Variants in VWA3B observed in about 807,000 individuals in gnomAD.
VWA3B encodes von Willebrand factor A domain-containing protein 3B.
Under a neutral mutation model 158.3 loss-of-function variants are expected in VWA3B, and 138 were observed. That is an observed-to-expected ratio of 0.87 (90% CI 0.76 to 1.00). VWA3B has a LOEUF of 1.00. Ranked by LOEUF, VWA3B falls within the 50% of genes least tolerant of loss-of-function variation. The pLI, the probability that VWA3B is intolerant of heterozygous loss-of-function variation, is 0.00. For missense variants in VWA3B, 1,555 were observed against 1,565.1 expected (o/e 0.99, Z 0.11); for synonymous variants, 596 against 587.3 (o/e 1.01, Z -0.21).
chr2:98,182,963 C>T (rs1201057905), intron 9 of VWA3B, among the ~76,000 whole-genome samples: 2 of 151,926 alleles, frequency 1.3e-5, no homozygotes, highest in Non-Finnish European at 2.9e-5. Context: ...AATATTAATC[C>T]CCATCAATTT....
At chr2:98,136,923 C>G (rs1676330580) in intron 7 of VWA3B, among the ~76,000 whole-genome samples, 1 of 152,208 alleles carries the variant, frequency 6.6e-6, no homozygotes, top group South Asian at 2.1e-4. Context: ...CTGCCACTGG[C>G]TTATTTCACT....
At chr2:98,182,024 A>G (rs1300489109) in intron 9 of VWA3B, among the ~76,000 whole-genome samples, 1 of 152,266 alleles carries the variant, frequency 6.6e-6, no homozygotes, top group Non-Finnish European at 1.5e-5. Flanking sequence ...TAAAATGAAC[A>G]TGGCAGATTT....
chr2:98,189,330 C>T (rs1179701833), intron 10 of VWA3B, among the ~76,000 whole-genome samples: 5 of 152,166 alleles, frequency 3.3e-5, no homozygotes, highest in African/African-American at 7.2e-5. Flanking sequence ...TCGCTTGAAC[C>T]CGGGAGGCGG....
chr2:98,270,168 T>C (rs890007243), intron 21 of VWA3B, among the ~76,000 whole-genome samples: 4 of 152,162 alleles, frequency 2.6e-5, no homozygotes, highest in Admixed American at 2.0e-4. Flanking sequence ...CAAAGCCAAA[T>C]AGTTTAGACT....
intron 2 of VWA3B, among the ~76,000 whole-genome samples, chr2:98,113,671 T>C (rs1486759689): frequency 1.3e-5 from 2 of 152,058 alleles, no homozygotes; most frequent in Non-Finnish European, 2.9e-5. Context: ...AAAAAGAAAC[T>C]CTGTACTTCT....
chr2:98,095,383 T>A (rs539213751), intron 2 of VWA3B, among the ~76,000 whole-genome samples: 1 of 152,366 alleles, frequency 6.6e-6, no homozygotes, highest in African/African-American at 2.4e-5. Flanking sequence ...TTTTGGTAGC[T>A]ATTGTAAATG....
At chr2:98,328,935 T>C in the VWA3B span, among the ~76,000 whole-genome samples, 1 of 152,228 alleles carries the variant, frequency 6.6e-6, no homozygotes, top group Admixed American at 6.5e-5. Flanking sequence ...TCTCAAGGCC[T>C]ACTTTAAAGC....
chr2:98,229,529 C>G (rs143256666), intron 15 of VWA3B, among the ~76,000 whole-genome samples: 1 of 152,224 alleles, frequency 6.6e-6, no homozygotes, highest in East Asian at 1.9e-4. Flanking sequence ...TGGGATCGCT[C>G]CATTCTCCAG....
At chr2:98,303,364 A>C (rs1193978729) in intron 25 of VWA3B, among the ~76,000 whole-genome samples, 7 of 151,978 alleles carry the variant, frequency 4.6e-5, no homozygotes, top group Non-Finnish European at 7.4e-5. Flanking sequence ...TGGGGCAGTC[A>C]GCAAAAGTGG....
At chr2:98,166,555 G>C (rs1381792336) in intron 8 of VWA3B, among the ~76,000 whole-genome samples, 2 of 152,168 alleles carry the variant, frequency 1.3e-5, no homozygotes, top group East Asian at 3.9e-4. Context: ...AACCAGCGTT[G>C]CTGGCACCTT....
intron 2 of VWA3B, 132 bp downstream of exon 2, chr2:98,093,420 A>G: frequency 1.2e-6 from 1 of 853,064 alleles, no homozygotes; most frequent in Admixed American, 2.5e-5. Flanking sequence ...TATCAGTAGA[A>G]AATGCTTGCA....
Position 98,129,224 on chromosome 2 carries a change from A to AGAGAGTGTGTGTGTGTGTGT in VWA3B, c.872+817_872+818insAGAGTGTGTGTGTGTGTGTG, listed in dbSNP as rs1370543551. 1.6e-3 allele frequency among the ~76,000 whole-genome samples: 196 copies of AGAGAGTGTGTGTGTGTGTGT among 124,644 alleles called. 1 individual carries two copies. The highest frequency in any genetic ancestry group is 0.016 in the East Asian group (66 of 4,216). 81.8% of individuals were successfully genotyped at this position (124,644 alleles called of 152,430 possible). Reference sequence around the variant, plus strand: ...AGAGAGAGGAGAGAGAGAGAGAGAGAGTGTGTGTGTGTGTGTGTGTGTGTG... The same window carrying AGAGAGTGTGTGTGTGTGTGT: ...AGAGAGAGGAGAGAGAGAGAGAGAGAGAGAGTGTGTGTGTGTGTGTGTGTGTGTGTGTGTGTGTGTGTGTG... On this transcript the variant is annotated intron_variant, in intron 6 of 27. Coordinates refer to ENST00000477737, the MANE Select transcript of VWA3B (RefSeq NM_144992.5).
Position 98,310,485 on chromosome 2 carries a change from TGA to T in VWA3B, c.3522-1329_3522-1328del, listed in dbSNP as rs535244313. Among the ~76,000 whole-genome samples, 305 of 152,334 alleles carry T rather than the reference TGA, an allele frequency of 2.0e-3. 4 individuals are homozygous for T. The highest frequency in any genetic ancestry group is 5.6e-3 in the South Asian group (27 of 4,828). ...ATCCGCTTCTTGTCGCTCCTCTTTCTGAGAGATTATAGCTTAGGGACTGGACT... is the reference window on the plus strand; with the variant it reads ...ATCCGCTTCTTGTCGCTCCTCTTTCTGAGATTATAGCTTAGGGACTGGACT... On this transcript the variant is annotated intron_variant, in intron 26 of 27. Coordinates refer to ENST00000477737, the MANE Select transcript of VWA3B (RefSeq NM_144992.5).
chr2:98,122,858 G>A (rs1324330453), intron 5 of VWA3B, among the ~76,000 whole-genome samples: 2 of 152,204 alleles, frequency 1.3e-5, no homozygotes, highest in Non-Finnish European at 1.5e-5. Flanking sequence ...TCCTATGGAA[G>A]AAAAGGAATC....
At chr2:98,196,645 C>A (rs570265950) in intron 12 of VWA3B, among the ~76,000 whole-genome samples, 1 of 152,068 alleles carries the variant, frequency 6.6e-6, no homozygotes, top group African/African-American at 2.4e-5. Flanking sequence ...ACAGGTGCCA[C>A]CCCCAGACCA....
rs61535424 is a variant in VWA3B at position 98,169,715 on chromosome 2, C to CTGTGTG, written c.1114+6781_1114+6786dup. ...CGTGGGTGGGACACACCTGGGCATT[C>CTGTGTG]TGTGTGTGTGTGTGTGTGTGTGTGT... On this transcript the variant is annotated intron_variant, in intron 8 of 27. Transcript: ENST00000477737. 9.4e-3 allele frequency among the ~76,000 whole-genome samples: 1,268 copies of CTGTGTG among 134,298 alleles called. 14 individuals carry two copies. Among genetic ancestry groups the CTGTGTG allele is most frequent in the African/African-American group, 0.015 (545 of 36,828 alleles). 88.1% of individuals were successfully genotyped at this position (134,298 alleles called of 152,430 possible).
intron 19 of VWA3B, 58 bp from the exon 20 acceptor site, chr2:98,250,260 G>A (rs568383744): frequency 1.5e-5 from 19 of 1,305,818 alleles, no homozygotes; most frequent in East Asian, 9.7e-5. Context: ...ATGTATTTTC[G>A]AAGGCACGCA....
chr2:98,290,450 A>C (rs562100038), intron 22 of VWA3B, 61 bp from the exon 23 acceptor site: 1 of 1,256,198 alleles, frequency 8.0e-7, no homozygotes, highest in African/African-American at 1.5e-5. Flanking sequence ...CCCAGTATTT[A>C]TCATTTTCAG....
intron 8 of VWA3B, among the ~76,000 whole-genome samples, chr2:98,164,813 AT>A (rs1678929353): frequency 6.6e-6 from 1 of 152,138 alleles, no homozygotes; most frequent in Non-Finnish European, 1.5e-5. Flanking sequence ...AGTGAAAGAC[AT>A]TGAGACTACA....
Sources: gnomAD v4.1 joint callset for allele counts (sites outside exome capture counted in the v4.1 genomes callset) on GRCh38, gnomAD v4.1.1 for gene constraint, MANE v1.5 for transcripts, NCBI Gene and HGNC (gene_info 2026-07-23, HGNC 2026-07-21) for gene names.